Variants in KATNA1 observed in about 807,000 individuals in gnomAD.
KATNA1 encodes the protein katanin p60 ATPase-containing subunit A1.
Under a neutral mutation model 62.6 loss-of-function variants are expected in KATNA1, and 42 were observed. The observed-to-expected ratio is 0.67, with a 90% CI of 0.52 to 0.87. KATNA1 has a LOEUF of 0.87. KATNA1 is among the 40% of genes least tolerant of loss of function. KATNA1 has a pLI of 0.00. For synonymous variants in KATNA1, 186 were observed against 201.9 expected, an observed-to-expected ratio of 0.92 and a Z score of 0.67; for missense variants, 498 against 612.5, an observed-to-expected ratio of 0.81 and a Z score of 1.97.
chr6:149,624,866 T>C (rs1456910426), intron 3 of KATNA1, among the ~76,000 whole-genome samples: 1 of 150,588 alleles, frequency 6.6e-6, no homozygotes, highest in Non-Finnish European at 1.5e-5. Context: ...TAGGCACGTA[T>C]ACTAGATGGT....
chr6:149,628,848 A>G (rs1405477008), intron 3 of KATNA1, among the ~76,000 whole-genome samples: 2 of 151,804 alleles, frequency 1.3e-5, no homozygotes, highest in Non-Finnish European at 2.9e-5. Context: ...AAAAAGAATG[A>G]CCCTCTTAAG....
rs1388240220 is a variant in KATNA1 at position 149,611,908 on chromosome 6, G to A, written c.502-7126C>T. Among the ~76,000 whole-genome samples the A allele has an allele frequency of 5.3e-5, 8 of 152,218 alleles. No individual in the cohort carries two copies. The East Asian group carries it at 1.2e-3, about 22-fold the overall frequency. On this transcript the variant is annotated intron_variant, in intron 4 of 10. Transcript: ENST00000367411. The stretch of plus-strand genomic sequence containing the variant: ...CAGCTACTCAGGGAGGCTGAGGCAG[G>A]AGAATGGTGTGAACCCAGGAGGCGG...
intron 1 of KATNA1, among the ~76,000 whole-genome samples, chr6:149,645,759 G>A (rs1320252567): frequency 6.6e-6 from 1 of 152,174 alleles, no homozygotes; most frequent in Non-Finnish European, 1.5e-5. Context: ...AAGATGCAAT[G>A]TGAAATTTTA....
chr6:149,643,986 C>A (rs1780386677), intron 1 of KATNA1, among the ~76,000 whole-genome samples: 1 of 151,952 alleles, frequency 6.6e-6, no homozygotes, highest in Non-Finnish European at 1.5e-5. Flanking sequence ...CCATGCCTGG[C>A]CAGGTTTTTG....
chr6:149,638,622 G>A, intron 1 of KATNA1, 62 bp from the exon 2 acceptor site: 1 of 1,161,782 alleles, frequency 8.6e-7, no homozygotes, highest in Non-Finnish European at 1.2e-6. Context: ...AATAAGTATA[G>A]TTATTAAAAA....
intron 4 of KATNA1, among the ~76,000 whole-genome samples, chr6:149,615,156 CAACT>C (rs1554222772): frequency 8.9e-6 from 1 of 112,144 alleles, no homozygotes; most frequent in Non-Finnish European, 1.9e-5. Flanking sequence ...AAAAAAAAAA[CAACT>C]AAACACAAAA....
chr6:149,615,253 G>C (rs1368743441), intron 4 of KATNA1, among the ~76,000 whole-genome samples: 1 of 150,694 alleles, frequency 6.6e-6, no homozygotes, highest in African/African-American at 2.4e-5. Context: ...GTCCAGGCTG[G>C]GGGTGCAATG....
chr6:149,645,440 C>A (rs950273365), intron 1 of KATNA1, among the ~76,000 whole-genome samples: 1 of 140,992 alleles, frequency 7.1e-6, no homozygotes, highest in Admixed American at 7.6e-5. Context: ...AAGACTCCAT[C>A]TCAAAAAACA....
chr6:149,627,224 C>G (rs1779649546), intron 3 of KATNA1, among the ~76,000 whole-genome samples: 1 of 151,296 alleles, frequency 6.6e-6, no homozygotes, highest in African/African-American at 2.4e-5. Context: ...GAAACCCCAT[C>G]TCTACTAAAA....
rs141453341 is a variant in KATNA1, at chr6:149,623,200, C to G, written c.404G>C (p.Arg135Thr). The change falls in exon 4 of 11, where the codon AGA (arginine) becomes ACA (threonine). Residue 135 changes from arginine (R) to threonine (T), a missense_variant. Arg to Thr is a moderately conservative substitution (Grantham distance 71, BLOSUM62 -1). Transcript: ENST00000367411. ...SHGNRPSTTVRVHRSSAQNVH... is the reference protein window; with the variant it reads ...SHGNRPSTTVTVHRSSAQNVH... The stretch of plus-strand genomic sequence containing the variant: ...ATTCTGTGCAGATGAACGGTGAACT[C>G]TGACAGTTGTACTTGGACGATTACC... 1.5e-3 allele frequency: 2,397 copies of G among 1,613,748 alleles called. 2 individuals carry two copies. Among genetic ancestry groups the G allele is most frequent in the Non-Finnish European group, 1.9e-3 (2,240 of 1,179,804 alleles).
At chr6:149,595,622 G>T (rs1298500424) in intron 10 of KATNA1, among the ~76,000 whole-genome samples, 1 of 151,974 alleles carries the variant, frequency 6.6e-6, no homozygotes, top group Admixed American at 6.6e-5. Flanking sequence ...TAGAGGAAAA[G>T]CTAGGTAAGT....
chr6:149,597,917 A>G (rs1778389205), intron 8 of KATNA1: 1 of 475,612 alleles, frequency 2.1e-6, no homozygotes, highest in Non-Finnish European at 3.7e-6. Context: ...AAGCGTACAT[A>G]AACTCTAAGG....
At chr6:149,618,242 T>C (rs931016051) in intron 4 of KATNA1, among the ~76,000 whole-genome samples, 11 of 149,234 alleles carry the variant, frequency 7.4e-5, no homozygotes, top group African/African-American at 2.7e-4. Flanking sequence ...CTTTGGGAGG[T>C]TGAGACGGGC....
intron 3 of KATNA1, among the ~76,000 whole-genome samples, chr6:149,627,836 T>G (rs1779678581): frequency 6.6e-6 from 1 of 151,576 alleles, no homozygotes; most frequent in Non-Finnish European, 1.5e-5. Flanking sequence ...GAAAGGCAGG[T>G]GAAAGGAGTG....
At chr6:149,638,141 A>C (rs1448772240) in intron 2 of KATNA1, among the ~76,000 whole-genome samples, 1 of 151,998 alleles carries the variant, frequency 6.6e-6, no homozygotes, top group Admixed American at 6.6e-5. Context: ...ACATCTGGCT[A>C]ATTTTTTTAT....
At chr6:149,636,736 T>C (rs544100696) in intron 2 of KATNA1, among the ~76,000 whole-genome samples, 1 of 151,714 alleles carries the variant, frequency 6.6e-6, no homozygotes, top group South Asian at 2.1e-4. Flanking sequence ...TGCCTTCTGA[T>C]ATCAAGTGAT....
At chr6:149,645,423 A>C (rs1271018931) in intron 1 of KATNA1, among the ~76,000 whole-genome samples, 2 of 151,244 alleles carry the variant, frequency 1.3e-5, no homozygotes, top group South Asian at 4.2e-4. Context: ...AGCCTGGGCG[A>C]CAGAGCAAGA....
intron 8 of KATNA1, chr6:149,597,980 T>C (rs1778392019): frequency 2.0e-6 from 1 of 499,690 alleles, no homozygotes; most frequent in Non-Finnish European, 3.5e-6. Flanking sequence ...AGTAAGATAG[T>C]TGTATATACC....
chr6:149,603,625 GCA>G (rs1055689249), intron 5 of KATNA1, among the ~76,000 whole-genome samples: 1 of 152,058 alleles, frequency 6.6e-6, no homozygotes, highest in Non-Finnish European at 1.5e-5. Flanking sequence ...TAGTCTACAG[GCA>G]CACTCTTCAG....
Sources: allele counts gnomAD v4.1 joint callset (sites outside exome capture counted in the v4.1 genomes callset), GRCh38; gene constraint gnomAD v4.1.1; transcripts MANE v1.5; gene names NCBI Gene and HGNC (gene_info 2026-07-23, HGNC 2026-07-21).